The following HCFC1 variants were observed in gnomAD, a reference collection of about 807,000 sequenced individuals.
HCFC1 encodes host cell factor C1, also known as host cell factor 1.
A neutral mutation model predicts 105.5 loss-of-function variants in HCFC1; 7 were observed. The observed-to-expected ratio is 0.07, with a 90% CI of 0.04 to 0.12. The LOEUF is 0.12. Ranked by LOEUF, HCFC1 falls within the 10% of genes least tolerant of loss-of-function variation. The probability of loss-of-function intolerance (pLI) is 1.00; values close to 1 mark genes in which losing one functional copy is unlikely to be tolerated. For synonymous variants in HCFC1, 918 were observed against 828.1 expected, an observed-to-expected ratio of 1.11 and a Z score of -1.86; for missense variants, 1,065 against 1,823.6, an observed-to-expected ratio of 0.58 and a Z score of 7.58.
At position 153,951,971 on chromosome X, in the gene HCFC1, G is replaced by C. The variant is rs1166131635; in HGVS notation, c.5130C>G (p.His1710Gln). The change falls in exon 20 of 26, where the codon CAC becomes CAG. Residue 1710 changes from histidine to glutamine, a missense_variant. Physicochemically the swap from His to Gln is conservative, Grantham distance 24. Coordinates refer to ENST00000310441, the MANE Select transcript of HCFC1 (RefSeq NM_005334.3). The stretch of plus-strand genomic sequence containing the variant: ...GGGCCAGGGCCTCAGTGGGGAGGTG[G>C]TGATGCTGCTGCTGGGCCTGGGCCT... ...LQEAQAQQQH[H>Q]HLPTEALAPA... 3 of 1,193,482 alleles carry C rather than the reference G, an allele frequency of 2.5e-6. No homozygotes were observed. The African/African-American group carries it at 5.2e-5, about 21-fold the overall frequency.
intron 4 of HCFC1, 98 bp downstream of exon 4, chrX:153,963,127 G>C: frequency 1.6e-6 from 1 of 627,766 alleles, no homozygotes; most frequent in Non-Finnish European, 2.6e-6. Flanking sequence ...AGCTCCCTAA[G>C]AGCCCCACCT....
At position 153,950,437 on chromosome X, in the gene HCFC1, T is replaced by C; in HGVS notation, c.5810A>G (p.Glu1937Gly). 1 of 1,208,659 alleles carries C rather than the reference T, an allele frequency of 8.3e-7. No homozygotes were observed. Among genetic ancestry groups the C allele is most frequent in the Non-Finnish European group, 1.1e-6 (1 of 894,053 alleles). Residue 1937 changes from glutamate (E) to glycine (G), a missense_variant, in exon 24 of 26, where the codon GAG becomes GGG. By Grantham distance (98) the Glu-to-Gly change is moderately conservative. Coordinates refer to ENST00000310441, the MANE Select transcript of HCFC1 (RefSeq NM_005334.3). ...LAIQSSQAGG[E>G]LKSSTPAQLA... ...CTGGGCCGGGGTGGAGCTCTTGAGC[T>C]CGCCCCCAGCCTGTGAGCTCTGGAT...
rs782492909 is a variant in HCFC1, at chrX:153,954,262, G to A, written c.4137C>T (p.Asp1379=). ...CCACGGTCCTGTGGGAAGAAGTGGCGTCGGGAAGCAGGGCACCCACGCTGA... is the reference window on the plus strand; with the variant it reads ...CCACGGTCCTGTGGGAAGAAGTGGCATCGGGAAGCAGGGCACCCACGCTGA... ...MSVSVGALLP[D]ATSSHRTVES... Residue 1379 remains aspartate, a synonymous_variant, in exon 17 of 26, where the codon GAC becomes GAT. Transcript: ENST00000310441. The A allele has an allele frequency of 1.1e-5, 13 of 1,203,090 alleles. No homozygotes were observed. The highest frequency in any genetic ancestry group is 1.7e-5 in the African/African-American group (1 of 57,325).
At position 153,948,244 on chromosome X, in the gene HCFC1, C is replaced by T. The variant is rs967694945; in HGVS notation, c.*1103G>A. The T allele has an allele frequency of 1.2e-4, 14 of 112,166 alleles. No homozygotes were observed. Among genetic ancestry groups the T allele is most frequent in the African/African-American group, 4.2e-4 (13 of 30,860 alleles). 9.2% of individuals were successfully genotyped at this position (112,166 alleles called of 1,213,427 possible). ...GAGGCCCCAGCCCTCCCTCAAGCTC[C>T]CCTAGGCTCGACCCTATAGATGCGG... On this transcript the variant is annotated 3_prime_UTR_variant, in exon 26 of 26. Coordinates refer to ENST00000310441, the MANE Select transcript of HCFC1 (RefSeq NM_005334.3).
intron 22 of HCFC1, 57 bp from the exon 23 acceptor site, chrX:153,951,055 C>G: frequency 9.5e-7 from 1 of 1,047,968 alleles, no homozygotes; most frequent in Non-Finnish European, 1.3e-6. Context: ...CTGGGCCACC[C>G]CAGGAACACT....
At chrX:153,955,610 T>C (rs2065367638) in intron 16 of HCFC1, 68 bp from the exon 17 acceptor site, 8 of 1,046,149 alleles carry the variant, frequency 7.6e-6, no homozygotes, top group Non-Finnish European at 9.0e-6. Flanking sequence ...CCCACTGTCC[T>C]GCACTGTCAC....
chrX:153,968,615 T>C (rs781871796), intron 1 of HCFC1, among the ~76,000 whole-genome samples: 1 of 112,677 alleles, frequency 8.9e-6, no homozygotes, highest in Non-Finnish European at 1.9e-5. Flanking sequence ...ATGCACAACC[T>C]GTCTTTGCAG....
intron 22 of HCFC1, 144 bp downstream of exon 22, chrX:153,951,206 G>T: frequency 1.4e-6 from 1 of 718,271 alleles, no homozygotes. Flanking sequence ...TACTGCTTCA[G>T]GGGGGATGGT....
In HCFC1 at chrX:153,954,824, A is replaced by G. The variant is rs2065356393; in HGVS notation, c.3575T>C (p.Leu1192Pro). 8.6e-7 allele frequency: 1 copy of G among 1,156,881 alleles called. No homozygotes were observed. Among genetic ancestry groups the G allele is most frequent in the East Asian group, 3.3e-5 (1 of 30,754 alleles). The change falls in exon 17 of 26, where the codon CTC becomes CCC. Residue 1192 changes from leucine (L) to proline (P), a missense_variant. By Grantham distance (98) the Leu-to-Pro change is moderately conservative. Coordinates refer to ENST00000310441, the MANE Select transcript of HCFC1 (RefSeq NM_005334.3). ...CTCCCGTGCCATGCTCGGCCCAAGG[A>G]GTGGGCCGGCCGAGCACGGGGCCCC... ...ATGAPCSAGP[L>P]LGPSMAREPG...
intron 1 of HCFC1, among the ~76,000 whole-genome samples, chrX:153,966,029 G>A: frequency 9.0e-6 from 1 of 110,839 alleles, no homozygotes; most frequent in Non-Finnish European, 1.9e-5. Flanking sequence ...GTAGCACAGG[G>A]AGACCCCGTC....
chrX:153,969,199 G>A (rs1204149945), intron 1 of HCFC1: 2 of 111,191 alleles, frequency 1.8e-5, no homozygotes, highest in Non-Finnish European at 3.8e-5. Flanking sequence ...CTCCCTCCAG[G>A]CAGCTCCAGC....
At chrX:153,949,650 T>C in intron 24 of HCFC1, 34 bp from the exon 25 acceptor site, 1 of 1,147,264 alleles carries the variant, frequency 8.7e-7, no homozygotes, top group Non-Finnish European at 1.2e-6. Flanking sequence ...TGAGCAGCAT[T>C]GTGACAGAAC....
At chrX:153,957,655 A>T in intron 12 of HCFC1, 122 bp from the exon 13 acceptor site, 1 of 749,358 alleles carries the variant, frequency 1.3e-6, no homozygotes, top group Non-Finnish European at 2.0e-6. Flanking sequence ...GGGCGAGGGG[A>T]GTGAGCAGCA....
chrX:153,966,367 A>C, intron 1 of HCFC1, among the ~76,000 whole-genome samples: 1 of 112,684 alleles, frequency 8.9e-6, no homozygotes, highest in Non-Finnish European at 1.9e-5. Context: ...CATTCAGCTG[A>C]GTCACTGGGC....
rs2065351656 is a variant in HCFC1 at position 153,954,538 on chromosome X, T to A, written c.3861A>T (p.Gln1287His). The part of the protein sequence containing the change: ...ALLCPSATVT[Q>H]VCSNPPCETH... Reference sequence around the variant, plus strand: ...TCTCACATGGTGGGTTGGAGCAGACTTGGGTCACGGTGGCCGAGGGGCACA... The same window carrying A: ...TCTCACATGGTGGGTTGGAGCAGACATGGGTCACGGTGGCCGAGGGGCACA... The change falls in exon 17 of 26, where the codon CAA (glutamine) becomes CAT (histidine). Residue 1287 changes from glutamine (Q) to histidine (H), a missense_variant. By Grantham distance (24) the Gln-to-His change is conservative (BLOSUM62 0). Around this residue, in one of 17 missense-constraint regions of HCFC1, gnomAD observed 546 missense variants for 599.9 expected, o/e 0.91. Transcript: ENST00000310441. 2.5e-6 allele frequency: 3 copies of A among 1,210,598 alleles called. No individual in the cohort carries two copies. Among genetic ancestry groups the A allele is most frequent in the Non-Finnish European group, 3.4e-6 (3 of 894,873 alleles).
chrX:153,965,795 C>G (rs1390348774), intron 1 of HCFC1, among the ~76,000 whole-genome samples: 8 of 112,821 alleles, frequency 7.1e-5, no homozygotes, highest in Non-Finnish European at 1.5e-4. Context: ...ATAATACAGA[C>G]TATTCAGTTT....
rs781961004 is a variant in HCFC1, at chrX:153,954,298, G to A, written c.4101C>T (p.Thr1367=). 2.5e-6 allele frequency: 3 copies of A among 1,199,760 alleles called. No homozygotes were observed. The highest frequency in any genetic ancestry group is 3.6e-5 in the South Asian group (2 of 55,296). Residue 1367 remains threonine, a synonymous_variant, in exon 17 of 26, where the codon ACC becomes ACT. Coordinates refer to ENST00000310441, the MANE Select transcript of HCFC1 (RefSeq NM_005334.3). ...CETHQTTSTG[T]TMSVSVGALL... is the part of the protein sequence containing the mutation. Reference sequence around the variant, plus strand: ...GGGCACCCACGCTGACCGACATGGTGGTGCCAGTGGAAGTGGTCTGGTGTG... The same window carrying A: ...GGGCACCCACGCTGACCGACATGGTAGTGCCAGTGGAAGTGGTCTGGTGTG...
chrX:153,950,701 G>T, intron 23 of HCFC1, 112 bp downstream of exon 23: 1 of 903,602 alleles, frequency 1.1e-6, no homozygotes, highest in Non-Finnish European at 1.6e-6. Context: ...GAAGGACTAA[G>T]ACAAACTGGG....
At chrX:153,956,884 A>G in intron 14 of HCFC1, 34 bp downstream of exon 14, 1 of 1,207,869 alleles carries the variant, frequency 8.3e-7, no homozygotes, top group African/African-American at 1.7e-5. Flanking sequence ...CTGCACTAGG[A>G]CACTGGGCTG....
Sources: allele counts gnomAD v4.1 joint callset (sites outside exome capture counted in the v4.1 genomes callset), GRCh38; gene constraint gnomAD v4.1.1; regional missense constraint gnomAD v4.1.1; transcripts MANE v1.5; gene names NCBI Gene and HGNC (gene_info 2026-07-23, HGNC 2026-07-21).